DLG2: variants seen among roughly 807,000 people sequenced by gnomAD.
The protein encoded by DLG2 is discs large MAGUK scaffold protein 2, also known as disks large homolog 2.
In DLG2, 45 loss-of-function variants were observed where a neutral mutation model predicts 132.5. The ratio of observed to expected loss-of-function variants is 0.34; its 90% CI spans 0.27 to 0.44. The LOEUF (loss-of-function observed/expected upper bound fraction) is 0.44, where lower values mean the gene tolerates loss of function less well. Ranked by LOEUF, DLG2 falls within the 20% of genes least tolerant of loss-of-function variation. DLG2 has a pLI of 1.00. For synonymous variants in DLG2, 424 were observed against 419.6 expected (o/e 1.01, Z -0.13); for missense variants, 1,045 against 1,196.9 (o/e 0.87, Z 1.87).
chr11:83,928,903 G>A (rs1329028244), intron 15 of DLG2, among the ~76,000 whole-genome samples: 3 of 152,166 alleles, frequency 2.0e-5, no homozygotes, highest in Non-Finnish European at 4.4e-5. Flanking sequence ...AGTCATTACA[G>A]GTATGTGGCT....
chr11:85,170,309 C>A (rs2078757271), intron 4 of DLG2, among the ~76,000 whole-genome samples: 1 of 152,020 alleles, frequency 6.6e-6, no homozygotes, highest in Non-Finnish European at 1.5e-5. Context: ...GACATTCTTT[C>A]CCCCCACATA....
intron 7 of DLG2, among the ~76,000 whole-genome samples, chr11:84,260,100 TGAATATCCTAA>T (rs1216561776): frequency 1.3e-5 from 2 of 152,192 alleles, no homozygotes; most frequent in East Asian, 3.9e-4. Context: ...GAATATCCTA[TGAATATCCTAA>T]AGACCTCAGA....
At chr11:84,572,466 T>G (rs960260238) in intron 6 of DLG2, among the ~76,000 whole-genome samples, 1 of 152,094 alleles carries the variant, frequency 6.6e-6, no homozygotes, top group African/African-American at 2.4e-5. Flanking sequence ...CAAGAGAATA[T>G]GTGGAGCAGA....
chr11:83,790,343 G>T, intron 17 of DLG2: 1 of 880,530 alleles, frequency 1.1e-6, no homozygotes, highest in Non-Finnish European at 1.9e-6. Flanking sequence ...ACAGTCTTCA[G>T]AACTGTCCCA....
At chr11:85,053,089 G>T (rs571056876) in intron 6 of DLG2, among the ~76,000 whole-genome samples, 1 of 152,118 alleles carries the variant, frequency 6.6e-6, no homozygotes, top group Non-Finnish European at 1.5e-5. Context: ...CCTGAACTCT[G>T]GTTCCAATGC....
intron 3 of DLG2, among the ~76,000 whole-genome samples, chr11:85,331,158 A>G (rs1414345459): frequency 2.6e-5 from 4 of 152,144 alleles, no homozygotes; most frequent in Non-Finnish European, 5.9e-5. Context: ...AAAGATCTGA[A>G]CCTGATTTTG....
chr11:83,976,808 AT>A lies in DLG2; in HGVS notation c.1056+3697del, dbSNP rs557977300. ...TTATGTCACAGCTATTTTCGAAATC[AT>A]TTTTTTTTGAGAGTTCATCTTGACT... On this transcript the variant is annotated intron_variant, in intron 12 of 27. Coordinates refer to ENST00000376104, the MANE Select transcript of DLG2 (RefSeq NM_001142699.3). 1.9e-3 allele frequency among the ~76,000 whole-genome samples: 289 copies of A among 150,888 alleles called. 3 individuals are homozygous for A. Among genetic ancestry groups the A allele is most frequent in the African/African-American group, 6.1e-3 (251 of 41,238 alleles).
chr11:85,501,111 AAC>A (rs2093791485), intron 3 of DLG2, among the ~76,000 whole-genome samples: 1 of 152,144 alleles, frequency 6.6e-6, no homozygotes, highest in Non-Finnish European at 1.5e-5. Flanking sequence ...CAGAAATAAC[AAC>A]ACACATCTAC....
chr11:84,953,403 C>T (rs947370256), intron 6 of DLG2, among the ~76,000 whole-genome samples: 7 of 152,124 alleles, frequency 4.6e-5, no homozygotes, highest in Non-Finnish European at 1.0e-4. Flanking sequence ...TACTGTTCCC[C>T]CTGCCTTTAC....
chr11:83,868,865 A>G (rs1235511421), intron 16 of DLG2, among the ~76,000 whole-genome samples: 1 of 152,168 alleles, frequency 6.6e-6, no homozygotes, highest in East Asian at 1.9e-4. Flanking sequence ...GAGCATTCAC[A>G]CTGATTACAA....
At chr11:84,170,352 T>G (rs574049059) in intron 8 of DLG2, among the ~76,000 whole-genome samples, 1 of 152,198 alleles carries the variant, frequency 6.6e-6, no homozygotes, top group Non-Finnish European at 1.5e-5. Flanking sequence ...GTACCTATCA[T>G]GTACTTGGTA....
At chr11:84,357,825 CT>C (rs1284279846) in intron 7 of DLG2, among the ~76,000 whole-genome samples, 3 of 151,728 alleles carry the variant, frequency 2.0e-5, no homozygotes, top group East Asian at 3.9e-4. Flanking sequence ...ATTTTTAAAT[CT>C]TTTTTTAATG....
intron 7 of DLG2, among the ~76,000 whole-genome samples, chr11:84,283,616 A>G (rs2097877075): frequency 6.6e-6 from 1 of 152,086 alleles, no homozygotes. Context: ...CCTAACCACC[A>G]TTACACCCTA....
At chr11:83,681,455 A>G (rs772856772) in intron 18 of DLG2, among the ~76,000 whole-genome samples, 1 of 152,214 alleles carries the variant, frequency 6.6e-6, no homozygotes, top group African/African-American at 2.4e-5. Context: ...TCATGCAAAT[A>G]CAACAGTCAT....
In DLG2 at chr11:84,257,164, GA is replaced by G. The variant is rs35719674; in HGVS notation, c.520-5874del. Among the ~76,000 whole-genome samples, 892 of 149,266 alleles carry G rather than the reference GA, an allele frequency of 6.0e-3. 4 individuals carry two copies. The highest frequency in any genetic ancestry group is 7.8e-3 in the Non-Finnish European group (523 of 67,028). The stretch of plus-strand genomic sequence containing the variant: ...CCCTCTATTATGTTGGCTTACTCTG[GA>G]AAAAAAAAATGTGGCATGGTTGGGG... On this transcript the variant is annotated intron_variant, in intron 7 of 27. Coordinates refer to ENST00000376104, the MANE Select transcript of DLG2 (RefSeq NM_001142699.3).
Position 85,274,979 on chromosome 11 carries a change from C to T in DLG2, c.186+10241G>A, listed in dbSNP as rs1414140794. Reference sequence around the variant, plus strand: ...CAGCTCATACTTTGTTGAACTTAAGCATAAAAATGGATAGTTTTCCCTGTA... The same window carrying T: ...CAGCTCATACTTTGTTGAACTTAAGTATAAAAATGGATAGTTTTCCCTGTA... On this transcript the variant is annotated intron_variant, in intron 4 of 27. Coordinates refer to ENST00000376104, the MANE Select transcript of DLG2 (RefSeq NM_001142699.3). 2.6e-5 allele frequency among the ~76,000 whole-genome samples: 4 copies of T among 152,276 alleles called. No homozygotes were observed. The South Asian group carries it at 8.3e-4, about 32-fold the overall frequency.
intron 6 of DLG2, among the ~76,000 whole-genome samples, chr11:84,872,972 T>C (rs985893016): frequency 6.6e-6 from 1 of 152,194 alleles, no homozygotes; most frequent in African/African-American, 2.4e-5. Context: ...CCTACCTGAT[T>C]AGCATTTTTA....
At chr11:84,910,974 G>A (rs1268176603) in intron 6 of DLG2, among the ~76,000 whole-genome samples, 2 of 152,100 alleles carry the variant, frequency 1.3e-5, no homozygotes, top group Admixed American at 6.5e-5. Context: ...TAGATGGCAG[G>A]GTCTGGAAGG....
chr11:85,052,013 TAGAA>T (rs1407111790), intron 6 of DLG2, among the ~76,000 whole-genome samples: 1 of 152,144 alleles, frequency 6.6e-6, no homozygotes. Context: ...ATAAAATAGC[TAGAA>T]AGACACTTCT....
Sources: allele counts gnomAD v4.1 joint callset (sites outside exome capture counted in the v4.1 genomes callset), GRCh38; gene constraint gnomAD v4.1.1; transcripts MANE v1.5; gene names NCBI Gene and HGNC (gene_info 2026-07-23, HGNC 2026-07-21).